Variants in MLIP observed in about 807,000 individuals in gnomAD.
MLIP encodes muscular LMNA interacting protein.
A neutral mutation model predicts 84.8 loss-of-function variants in MLIP; 79 were observed. The ratio of observed to expected loss-of-function variants is 0.93; its 90% CI spans 0.78 to 1.12. The LOEUF is 1.12. Ranked by LOEUF, MLIP falls within the 50% of genes most tolerant of loss-of-function variation. The pLI is 0.00. For synonymous variants in MLIP, 504 were observed against 463.0 expected, an observed-to-expected ratio of 1.09 and a Z score of -1.14; for missense variants, 1,257 against 1,160.6, an observed-to-expected ratio of 1.08 and a Z score of -1.21.
intron 8 of MLIP, among the ~76,000 whole-genome samples, chr6:54,167,132 T>C (rs1237666966): frequency 6.6e-6 from 1 of 151,962 alleles, no homozygotes. Flanking sequence ...TACCCCTGAC[T>C]CACAATAGTT....
intron 1 of MLIP, chr6:54,030,572 A>G (rs887869024): frequency 9.2e-6 from 1 of 108,154 alleles, no homozygotes; most frequent in African/African-American, 3.9e-5. Flanking sequence ...AAACACAGCA[A>G]CTATTTTTTT....
At position 54,225,508 on chromosome 6, in the gene MLIP, T is replaced by C. The variant is rs566862445; in HGVS notation, c.2719-5206T>C. 2.6e-5 allele frequency among the ~76,000 whole-genome samples: 4 copies of C among 152,332 alleles called. No individual in the cohort carries two copies. In the East Asian group the frequency reaches 5.8e-4, roughly 22 times the overall value. On this transcript the variant is annotated intron_variant, in intron 11 of 13. Coordinates refer to ENST00000502396, the MANE Select transcript of MLIP (RefSeq NM_001281747.2). ...TCTAATAACAGAGAGTTGTAGACTA[T>C]AGTAATGCAAGCATATCTTCTAAAT... is the stretch of plus-strand genomic sequence containing the variant.
intron 1 of MLIP, among the ~76,000 whole-genome samples, chr6:54,056,116 C>T (rs1170267776): frequency 2.0e-5 from 3 of 152,144 alleles, no homozygotes; most frequent in Admixed American, 6.5e-5. Flanking sequence ...AGTCATCATA[C>T]TGTGGACATG....
intron 1 of MLIP, among the ~76,000 whole-genome samples, chr6:54,050,623 C>A (rs964688490): frequency 1.3e-5 from 2 of 151,946 alleles, no homozygotes; most frequent in African/African-American, 4.8e-5. Context: ...CTAATATAAT[C>A]ATTGTTTGAT....
chr6:54,110,639 T>G (rs1361347859), upstream of MLIP, among the ~76,000 whole-genome samples: 1 of 152,230 alleles, frequency 6.6e-6, no homozygotes. Flanking sequence ...TAGTAATTCC[T>G]TCCCATAGCC....
intron 13 of MLIP, among the ~76,000 whole-genome samples, chr6:54,263,889 G>T (rs1405532422): frequency 6.6e-6 from 1 of 151,250 alleles, no homozygotes; most frequent in Non-Finnish European, 1.5e-5. Context: ...TTTGAAAATA[G>T]AATTGATTTA....
rs1770455912 is a variant in MLIP at position 54,121,553 on chromosome 6, T to A, written c.203T>A (p.Val68Asp). ...TQLADTSKFL[V>D]KIPEESSDKS... is the part of the protein sequence containing the mutation. ...TTGGCTGACACCTCTAAATTCCTTG[T>A]TAAAATTCCAGAAGAATCAAGTGAT... The change falls in exon 2 of 14, where the codon GTT (valine) becomes GAT (aspartate). Residue 68 changes from valine to aspartate, a missense_variant. By Grantham distance (152) the Val-to-Asp change is radical (BLOSUM62 -3). Transcript: ENST00000502396. 4 of 1,613,838 alleles carry A rather than the reference T, an allele frequency of 2.5e-6. No individual in the cohort carries two copies. The highest frequency in any genetic ancestry group is 2.5e-6 in the Non-Finnish European group (3 of 1,179,780).
chr6:54,230,668 C>T (rs370331729), intron 11 of MLIP, 46 bp from the exon 12 acceptor site: 2 of 1,592,546 alleles, frequency 1.3e-6, no homozygotes, highest in African/African-American at 2.7e-5. Context: ...GCGTGCTTGA[C>T]TTTTTTATGC....
chr6:54,124,510 G>A lies in MLIP; in HGVS notation c.290G>A (p.Ser97Asn). ...SNDYLTLNAG[S>N]QQERDQAKLT... Reference sequence around the variant, plus strand: ...GACTACTTGACCTTGAATGCTGGGAGCCAACAAGAGAGAGACCAAGCGAAA... The same window carrying A: ...GACTACTTGACCTTGAATGCTGGGAACCAACAAGAGAGAGACCAAGCGAAA... The change falls in exon 3 of 14, where the codon AGC becomes AAC. Residue 97 changes from serine (S) to asparagine (N), a missense_variant. Physicochemically the swap from Ser to Asn is conservative, Grantham distance 46. Coordinates refer to ENST00000502396, the MANE Select transcript of MLIP (RefSeq NM_001281747.2). The A allele has an allele frequency of 6.2e-7, 1 of 1,614,078 alleles. No individual in the cohort carries two copies. Among genetic ancestry groups the A allele is most frequent in the Middle Eastern group, 1.6e-4 (1 of 6,062 alleles).
At chr6:54,198,689 C>G (rs1023062674) in intron 10 of MLIP, among the ~76,000 whole-genome samples, 3 of 152,114 alleles carry the variant, frequency 2.0e-5, no homozygotes, top group Admixed American at 2.0e-4. Context: ...AATGGCTTTT[C>G]CAAGGTAATA....
chr6:54,188,186 T>G (rs1394814173), intron 9 of MLIP, among the ~76,000 whole-genome samples: 1 of 152,186 alleles, frequency 6.6e-6, no homozygotes, highest in East Asian at 1.9e-4. Flanking sequence ...GGTGAATCAA[T>G]GAGTTAGTGG....
intron 1 of MLIP, among the ~76,000 whole-genome samples, chr6:54,072,801 A>G (rs1036835914): frequency 6.6e-5 from 10 of 152,178 alleles, no homozygotes; most frequent in African/African-American, 2.2e-4. Context: ...GTGTAAATGT[A>G]TTGACTGATT....
chr6:54,021,552 A>G (rs2150260584), intron 1 of MLIP, among the ~76,000 whole-genome samples: 1 of 152,330 alleles, frequency 6.6e-6, no homozygotes, highest in South Asian at 2.1e-4. Context: ...ACAAGACAAA[A>G]TAAGACAAAG....
chr6:54,142,804 G>A (rs1772427734), intron 4 of MLIP, among the ~76,000 whole-genome samples: 1 of 151,940 alleles, frequency 6.6e-6, no homozygotes, highest in Non-Finnish European at 1.5e-5. Flanking sequence ...GGTGGCTATG[G>A]TCAAGTTATA....
intron 12 of MLIP, among the ~76,000 whole-genome samples, chr6:54,249,078 C>T (rs922085835): frequency 2.0e-5 from 3 of 152,078 alleles, no homozygotes; most frequent in Non-Finnish European, 2.9e-5. Context: ...ATAACTTCTA[C>T]CTCAGCTATG....
chr6:54,167,982 G>C (rs963991897), intron 8 of MLIP, among the ~76,000 whole-genome samples: 1 of 151,818 alleles, frequency 6.6e-6, no homozygotes, highest in Non-Finnish European at 1.5e-5. Flanking sequence ...CAGGGCAAAA[G>C]CAGTTCTGAA....
intron 12 of MLIP, among the ~76,000 whole-genome samples, chr6:54,249,734 C>CACACAT (rs145607176): frequency 3.9e-5 from 5 of 127,612 alleles, no homozygotes; most frequent in Admixed American, 1.7e-4. Flanking sequence ...CACACACACA[C>CACACAT]ATATATATAT....
chr6:54,124,544 T>C lies in MLIP; in HGVS notation c.324T>C (p.Cys108=). 6.2e-7 allele frequency: 1 copy of C among 1,614,202 alleles called. No individual in the cohort carries two copies. The highest frequency in any genetic ancestry group is 8.5e-7 in the Non-Finnish European group (1 of 1,180,026). ...AGAGAGACCAAGCGAAATTGACTTG[T>C]CCTTCAGAGGTCAGTGGAACGATTT... ...QQERDQAKLT[C]PSEVSGTILQ... The change falls in exon 3 of 14, where the codon TGT becomes TGC. Residue 108 remains cysteine, a synonymous_variant. Transcript: ENST00000502396.
chr6:54,042,720 A>G (rs1393812354), intron 1 of MLIP, among the ~76,000 whole-genome samples: 8 of 152,176 alleles, frequency 5.3e-5, no homozygotes, highest in African/African-American at 1.9e-4. Flanking sequence ...ATCACCAGGG[A>G]CAATATACCT....
Sources: gnomAD v4.1 joint callset for allele counts (sites outside exome capture counted in the v4.1 genomes callset) on GRCh38, gnomAD v4.1.1 for gene constraint, MANE v1.5 for transcripts, NCBI Gene and HGNC (gene_info 2026-07-23, HGNC 2026-07-21) for gene names.